Variants in TTC17 observed in about 807,000 individuals in gnomAD.
The protein encoded by TTC17 is tetratricopeptide repeat domain 17, also known as tetratricopeptide repeat protein 17.
In TTC17, 58 loss-of-function variants were observed where a neutral mutation model predicts 143.8. That is an observed-to-expected ratio of 0.40 (90% CI 0.33 to 0.50). The LOEUF is 0.50. Among genes scored for constraint, TTC17 ranks in the 20% least tolerant of loss-of-function variants. The pLI, the probability that TTC17 is intolerant of heterozygous loss-of-function variation, is 0.49. For synonymous variants in TTC17, 501 were observed against 497.8 expected (o/e 1.01, Z -0.09); for missense variants, 1,273 against 1,392.5 (o/e 0.91, Z 1.37).
intron 18 of TTC17, chr11:43,446,223 C>G: frequency 8.3e-7 from 1 of 1,208,792 alleles, no homozygotes; most frequent in Non-Finnish European, 1.0e-6. Flanking sequence ...GCCCTGTGCC[C>G]CCTCTGCCCT....
intron 16 of TTC17, among the ~76,000 whole-genome samples, chr11:43,416,037 T>C (rs1449653501): frequency 6.6e-6 from 1 of 152,206 alleles, no homozygotes; most frequent in Non-Finnish European, 1.5e-5. Flanking sequence ...GCATTGTTCT[T>C]ACCATATAGT....
At chr11:43,383,298 A>T (rs1857044362) in intron 2 of TTC17, among the ~76,000 whole-genome samples, 1 of 152,140 alleles carries the variant, frequency 6.6e-6, no homozygotes, top group Non-Finnish European at 1.5e-5. Context: ...AACCAATTGC[A>T]GTGTGTATGG....
intron 21 of TTC17, among the ~76,000 whole-genome samples, chr11:43,458,234 G>A (rs1410896827): frequency 6.6e-6 from 1 of 152,072 alleles, no homozygotes; most frequent in Non-Finnish European, 1.5e-5. Flanking sequence ...CATGTTTGGT[G>A]CCTCTGGGGA....
Position 43,443,572 on chromosome 11 carries a change from A to G in TTC17, c.2499A>G (p.Glu833=). The change falls in exon 17 of 24, where the codon GAA becomes GAG. Residue 833 remains glutamate, a synonymous_variant. Coordinates refer to ENST00000039989, the MANE Select transcript of TTC17 (RefSeq NM_018259.6). ...GAGACTGCAGAAGTGAAGATGATGA[A>G]GCAACAGAATGGGTAAGTTTGCCAA... ...CYGDCRSEDD[E]ATEWITFQVK... 1 of 1,610,826 alleles carries G rather than the reference A, an allele frequency of 6.2e-7. No homozygotes were observed. The highest frequency in any genetic ancestry group is 8.5e-7 in the Non-Finnish European group (1 of 1,178,070).
At chr11:43,368,885 G>A (rs1856454395) in intron 1 of TTC17, among the ~76,000 whole-genome samples, 1 of 152,186 alleles carries the variant, frequency 6.6e-6, no homozygotes, top group African/African-American at 2.4e-5. Flanking sequence ...GTGGTGTGGT[G>A]TGCTCTGCCT....
At chr11:43,405,731 C>A in intron 12 of TTC17, 55 bp from the exon 13 acceptor site, 1 of 1,612,164 alleles carries the variant, frequency 6.2e-7, no homozygotes, top group South Asian at 1.1e-5. Flanking sequence ...AAGTCTTTAT[C>A]TTGAAGTCAC....
intron 6 of TTC17, 176 bp from the exon 7 acceptor site, chr11:43,397,171 G>A: frequency 1.6e-6 from 1 of 638,440 alleles, no homozygotes; most frequent in Non-Finnish European, 2.5e-6. Context: ...CCTTATTTTA[G>A]TGACAAAATT....
chr11:43,397,183 G>A (rs1473762427), intron 6 of TTC17, 164 bp from the exon 7 acceptor site: 3 of 698,402 alleles, frequency 4.3e-6, no homozygotes, highest in Non-Finnish European at 6.7e-6. Flanking sequence ...GACAAAATTT[G>A]TAGCTATCAG....
At chr11:43,487,191 G>A (rs1443351393) in intron 21 of TTC17, among the ~76,000 whole-genome samples, 3 of 152,074 alleles carry the variant, frequency 2.0e-5, no homozygotes, top group Non-Finnish European at 4.4e-5. Flanking sequence ...TGTCACCCAG[G>A]CTGGAGTGTA....
chr11:43,484,886 C>T (rs1948353347), intron 21 of TTC17, among the ~76,000 whole-genome samples: 2 of 151,986 alleles, frequency 1.3e-5, no homozygotes, highest in Admixed American at 6.6e-5. Context: ...TACAGCCACT[C>T]CCCATCGCTC....
chr11:43,490,854 CAAAAAAAAAAAA>C (rs57074352), intron 22 of TTC17: 4 of 66,570 alleles, frequency 6.0e-5, no homozygotes, highest in South Asian at 8.4e-4. Flanking sequence ...ACTTTTTCCA[CAAAAAAAAAAAA>C]AAAAAAAAAA....
chr11:43,416,134 CT>C (rs1360597907), intron 16 of TTC17, among the ~76,000 whole-genome samples: 1 of 152,036 alleles, frequency 6.6e-6, no homozygotes, highest in Non-Finnish European at 1.5e-5. Flanking sequence ...GAATTTTTAT[CT>C]TCTTAATCCT....
chr11:43,439,704 C>T (rs931298913), intron 16 of TTC17, among the ~76,000 whole-genome samples: 4 of 152,156 alleles, frequency 2.6e-5, no homozygotes, highest in African/African-American at 9.7e-5. Flanking sequence ...CTCCTGACCT[C>T]AGGTGATCCT....
chr11:43,391,784 C>A (rs778309004), intron 4 of TTC17, 37 bp from the exon 5 acceptor site: 1 of 1,602,346 alleles, frequency 6.2e-7, no homozygotes, highest in Non-Finnish European at 8.5e-7. Context: ...CTTTTATATC[C>A]TTTGATATGT....
rs973790272 is a variant in TTC17, at chr11:43,464,678, A to G, written c.3030+13413A>G. Among the ~76,000 whole-genome samples the G allele has an allele frequency of 5.9e-5, 9 of 152,218 alleles. No individual in the cohort carries two copies. The East Asian group carries it at 1.7e-3, about 29-fold the overall frequency. On this transcript the variant is annotated intron_variant, in intron 21 of 23. Transcript: ENST00000039989. Reference sequence around the variant, plus strand: ...AGCAGAAAAGAAAATGAAAGCAGAAAATTATGGAAAATTGTCAAACGGAAT... The same window carrying G: ...AGCAGAAAAGAAAATGAAAGCAGAAGATTATGGAAAATTGTCAAACGGAAT...
chr11:43,472,284 A>G (rs541713417), intron 21 of TTC17, among the ~76,000 whole-genome samples: 256 of 152,306 alleles, frequency 1.7e-3, no homozygotes, highest in Non-Finnish European at 3.0e-3. Context: ...TTGAGGCTGC[A>G]GTGAGCTATG....
At chr11:43,377,090 G>A (rs1021616899) in intron 1 of TTC17, among the ~76,000 whole-genome samples, 18 of 152,122 alleles carry the variant, frequency 1.2e-4, no homozygotes, top group Admixed American at 8.5e-4. Flanking sequence ...TCAGGAGTTC[G>A]AGACCAGGCT....
intron 1 of TTC17, among the ~76,000 whole-genome samples, chr11:43,364,047 CTTTTTTTTTTTTTTTTT>C (rs71308379): frequency 6.4e-5 from 6 of 94,452 alleles, no homozygotes; most frequent in African/African-American, 2.0e-4. Context: ...TACAGATCCT[CTTTTTTTTTTTTTTTTT>C]TTTTTTTTTG....
chr11:43,449,869 T>C, intron 19 of TTC17: 1 of 552,402 alleles, frequency 1.8e-6, no homozygotes, highest in Admixed American at 3.5e-5. Context: ...AACTAAAAGA[T>C]ATAACTAGTT....
Sources: allele counts gnomAD v4.1 joint callset (sites outside exome capture counted in the v4.1 genomes callset), GRCh38; gene constraint gnomAD v4.1.1; transcripts MANE v1.5; gene names NCBI Gene and HGNC (gene_info 2026-07-23, HGNC 2026-07-21).